The following CDK5RAP2 variants were observed in gnomAD, a reference collection of about 807,000 sequenced individuals.
CDK5RAP2 encodes CDK5 regulatory subunit-associated protein 2.
CDK5RAP2 carries 147 observed loss-of-function variants against 232.9 expected under a neutral mutation model. The observed-to-expected ratio is 0.63, with a 90% CI of 0.55 to 0.72. The LOEUF (loss-of-function observed/expected upper bound fraction) is 0.72, where lower values mean the gene tolerates loss of function less well. Ranked by LOEUF, CDK5RAP2 falls within the 30% of genes least tolerant of loss-of-function variation. The pLI is 0.00. For synonymous variants in CDK5RAP2, 833 were observed against 833.7 expected, an observed-to-expected ratio of 1.00 and a Z score of 0.01; for missense variants, 2,195 against 2,231.5, an observed-to-expected ratio of 0.98 and a Z score of 0.33.
chr9:120,411,792 C>T (rs2033865285), intron 28 of CDK5RAP2, among the ~76,000 whole-genome samples: 1 of 152,142 alleles, frequency 6.6e-6, no homozygotes, highest in Non-Finnish European at 1.5e-5. Flanking sequence ...CTGCCTGCCG[C>T]GCCTCACCAC....
At chr9:120,541,727 A>G (rs950995810) in intron 5 of CDK5RAP2, among the ~76,000 whole-genome samples, 1 of 152,318 alleles carries the variant, frequency 6.6e-6, no homozygotes, top group Non-Finnish European at 1.5e-5. Flanking sequence ...TCTCCACTCA[A>G]ATGGGAATAC....
chr9:120,451,849 G>A (rs1256976842), intron 21 of CDK5RAP2, among the ~76,000 whole-genome samples: 1 of 147,402 alleles, frequency 6.8e-6, no homozygotes, highest in Non-Finnish European at 1.5e-5. Flanking sequence ...TATTAAATGA[G>A]ATTATATATA....
intron 18 of CDK5RAP2, among the ~76,000 whole-genome samples, chr9:120,463,198 T>C (rs1269733055): frequency 6.6e-6 from 1 of 152,044 alleles, no homozygotes; most frequent in Admixed American, 6.5e-5. Context: ...GGTGAAATCT[T>C]GTCTCTACTA....
rs747639368 is a variant in CDK5RAP2, at chr9:120,528,752, T to G, written c.871A>C (p.Arg291=). Residue 291 remains arginine (R), a synonymous_variant, in exon 9 of 38, where the codon AGG becomes CGG. Coordinates refer to ENST00000349780, the MANE Select transcript of CDK5RAP2 (RefSeq NM_018249.6). ...AAATTGTATCAACATACCTGGATCC[T>G]CTCTTCAAAGCTGTTTCTCTCCTTC... The part of the protein sequence containing the change: ...HQKERNSFEE[R]IQALEEDLRE... 1 of 1,598,904 alleles carries G rather than the reference T, an allele frequency of 6.3e-7. No homozygotes were observed. The highest frequency in any genetic ancestry group is 1.1e-5 in the South Asian group (1 of 90,724).
At chr9:120,469,740 G>A (rs2037584456) in intron 17 of CDK5RAP2, among the ~76,000 whole-genome samples, 1 of 152,198 alleles carries the variant, frequency 6.6e-6, no homozygotes, top group African/African-American at 2.4e-5. Flanking sequence ...GATGTTCACA[G>A]CCTAGCAAGG....
Position 120,407,711 on chromosome 9 carries a change from T to TAAA in CDK5RAP2, c.4727-466_4727-464dup, listed in dbSNP as rs57709885. The TAAA allele has an allele frequency of 2.2e-4, 31 of 142,322 alleles. 1 individual carries two copies. Among genetic ancestry groups the TAAA allele is most frequent in the South Asian group, 1.6e-3 (8 of 4,998 alleles). 8.8% of individuals were successfully genotyped at this position (142,322 alleles called of 1,614,324 possible). On this transcript the variant is annotated intron_variant, in intron 31 of 37. Transcript: ENST00000349780. The stretch of plus-strand genomic sequence containing the variant: ...GAAACCATCTGGAAAATTAGTAAAA[T>TAAA]AAAAAAAAAAAAAAAACACCTCACC...
chr9:120,441,603 A>C (rs2035902337), intron 23 of CDK5RAP2, among the ~76,000 whole-genome samples: 1 of 152,220 alleles, frequency 6.6e-6, no homozygotes, highest in Non-Finnish European at 1.5e-5. Flanking sequence ...GTGACCTAGG[A>C]GATCTCTCAG....
chr9:120,393,979 T>A (rs922651873), intron 36 of CDK5RAP2, among the ~76,000 whole-genome samples: 5 of 152,174 alleles, frequency 3.3e-5, no homozygotes, highest in African/African-American at 1.2e-4. Context: ...CAGTCTTTCA[T>A]GAAGTACTCC....
chr9:120,420,083 C>T lies in CDK5RAP2; in HGVS notation c.4005-123G>A, dbSNP rs2131370138. The T allele has an allele frequency of 3.9e-6, 3 of 777,678 alleles. No individual in the cohort carries two copies. In the East Asian group the frequency reaches 7.8e-5, roughly 20 times the overall value. The allele number at this position is 777,678 out of a possible 1,614,324, so 48.2% of individuals were successfully genotyped here. On this transcript the variant is annotated intron_variant, in intron 26 of 37. Coordinates refer to ENST00000349780, the MANE Select transcript of CDK5RAP2 (RefSeq NM_018249.6). ...ACTCCCCAATGTTTGCAACTTCAGT[C>T]AGACCTTTTATTTCCCTACAGCATT...
chr9:120,488,505 A>T (rs1318468119), intron 13 of CDK5RAP2, among the ~76,000 whole-genome samples: 1 of 151,708 alleles, frequency 6.6e-6, no homozygotes, highest in Non-Finnish European at 1.5e-5. Flanking sequence ...CTCAAATCCC[A>T]CTCCCAGAGA....
At chr9:120,401,888 G>C (rs1465702617) in intron 34 of CDK5RAP2, among the ~76,000 whole-genome samples, 1 of 152,032 alleles carries the variant, frequency 6.6e-6, no homozygotes, top group Non-Finnish European at 1.5e-5. Context: ...AGAGGCTGAG[G>C]GAGGAGAATC....
chr9:120,460,532 T>G, intron 19 of CDK5RAP2, 40 bp downstream of exon 19: 2 of 1,578,616 alleles, frequency 1.3e-6, no homozygotes, highest in Non-Finnish European at 1.7e-6. Context: ...GGACATAGAG[T>G]GGAGTAGATG....
At chr9:120,518,734 G>T (rs1564329337) in intron 11 of CDK5RAP2, 89 bp from the exon 12 acceptor site, 9 of 964,106 alleles carry the variant, frequency 9.3e-6, no homozygotes, top group East Asian at 2.4e-5. Context: ...CGCCGTGGGG[G>T]AAAAAAAGAA....
In CDK5RAP2 at chr9:120,403,707, C is replaced by A; in HGVS notation, c.5041+329G>T. ...GTGGGCCTGTCTGCAGGATGGTGAC[C>A]CCTGTGTGGCTACACCAGGTTAAGG... On this transcript the variant is annotated intron_variant, in intron 33 of 37. Transcript: ENST00000349780. The surrounding 1 kb of genome is among the most constrained non-coding windows in gnomAD (Gnocchi z 4.2). 2.4e-6 allele frequency: 1 copy of A among 409,412 alleles called. No homozygotes were observed. The highest frequency in any genetic ancestry group is 2.3e-5 in the South Asian group (1 of 44,294). 25.4% of individuals were successfully genotyped at this position (409,412 alleles called of 1,614,324 possible). A position where few individuals can be genotyped will look rare whatever the true frequency, so the allele number is the denominator to read the frequency against.
At chr9:120,392,052 A>C (rs563321468) in intron 36 of CDK5RAP2, among the ~76,000 whole-genome samples, 33 of 152,178 alleles carry the variant, frequency 2.2e-4, no homozygotes, top group Non-Finnish European at 4.1e-4. Context: ...GCTATGAGAC[A>C]TTTGCGGCTC....
At chr9:120,500,071 C>T (rs948202349) in intron 12 of CDK5RAP2, among the ~76,000 whole-genome samples, 5 of 152,126 alleles carry the variant, frequency 3.3e-5, no homozygotes, top group Non-Finnish European at 5.9e-5. Flanking sequence ...TGCTATAATA[C>T]GGAGCTTCCA....
At chr9:120,577,288 G>C (rs1189501985) in intron 1 of CDK5RAP2, among the ~76,000 whole-genome samples, 1 of 151,770 alleles carries the variant, frequency 6.6e-6, no homozygotes. Flanking sequence ...TTGAACTCTG[G>C]AGGCGGAGGT....
Position 120,580,043 on chromosome 9 carries a change from G to T in CDK5RAP2, c.-65C>A. The T allele has an allele frequency of 9.2e-7, 1 of 1,082,998 alleles. No individual in the cohort carries two copies. Among genetic ancestry groups the T allele is most frequent in the Non-Finnish European group, 1.4e-6 (1 of 714,562 alleles). The allele number at this position is 1,082,998 out of a possible 1,614,324, so 67.1% of individuals were successfully genotyped here. On this transcript the variant is annotated 5_prime_UTR_variant, in exon 1 of 38. Coordinates refer to ENST00000349780, the MANE Select transcript of CDK5RAP2 (RefSeq NM_018249.6). ...GGCGCCACTAGTACCCCCCGCGATA[G>T]CGACCCGCCGGGCTCCCCAGGTCCC...
intron 36 of CDK5RAP2, among the ~76,000 whole-genome samples, chr9:120,391,139 A>G (rs1176647705): frequency 6.6e-6 from 1 of 152,146 alleles, no homozygotes; most frequent in Non-Finnish European, 1.5e-5. Flanking sequence ...AGCTTTCTCC[A>G]GATTCACCAA....
Sources: gnomAD v4.1 joint callset for allele counts (sites outside exome capture counted in the v4.1 genomes callset) on GRCh38, gnomAD v4.1.1 for gene constraint, Gnocchi (gnomAD v3.1) non-coding constraint, MANE v1.5 for transcripts, NCBI Gene and HGNC (gene_info 2026-07-23, HGNC 2026-07-21) for gene names.